The following CUEDC1 variants were observed in gnomAD, a reference collection of about 807,000 sequenced individuals.
CUEDC1 encodes the protein CUE domain containing 1.
In CUEDC1, 30 loss-of-function variants were observed where a neutral mutation model predicts 43.7. The ratio of observed to expected loss-of-function variants is 0.69; its 90% CI spans 0.51 to 0.93. CUEDC1 has a LOEUF of 0.93. Among genes scored for constraint, CUEDC1 ranks in the 40% least tolerant of loss-of-function variants. The probability of loss-of-function intolerance (pLI) is 0.00; values close to 1 mark genes in which losing one functional copy is unlikely to be tolerated. For missense variants in CUEDC1, 486 were observed against 549.0 expected (o/e 0.89, Z 1.15); for synonymous variants, 223 against 223.6 (o/e 1.00, Z 0.02).
intron 1 of CUEDC1, among the ~76,000 whole-genome samples, chr17:57,905,369 G>A (rs956363962): frequency 1.3e-5 from 2 of 152,120 alleles, no homozygotes; most frequent in Admixed American, 1.3e-4. Context: ...CTGGCTGCGC[G>A]CTGCCTGCGT....
In CUEDC1 at chr17:57,866,487, T is replaced by C; in HGVS notation, c.1151A>G (p.Glu384Gly). ...EAPKVEEGLR[E>G]GQ Reference sequence around the variant, plus strand: ...TCCAGGCCTTACCTCTTACTGTCCTTCTCGCAGGCCTTCCTCCACCTTGGG... The same window carrying C: ...TCCAGGCCTTACCTCTTACTGTCCTCCTCGCAGGCCTTCCTCCACCTTGGG... Residue 384 changes from glutamate (E) to glycine (G), a missense_variant, in exon 10 of 11, where the codon GAA becomes GGA. Physicochemically the swap from Glu to Gly is moderately conservative, Grantham distance 98. Transcript: ENST00000577830. 2 of 1,614,048 alleles carry C rather than the reference T, an allele frequency of 1.2e-6. No homozygotes were observed. The highest frequency in any genetic ancestry group is 1.7e-6 in the Non-Finnish European group (2 of 1,179,990).
At chr17:57,863,748 C>T (rs2073914653) in intron 10 of CUEDC1, among the ~76,000 whole-genome samples, 1 of 152,142 alleles carries the variant, frequency 6.6e-6, no homozygotes, top group Admixed American at 6.5e-5. Flanking sequence ...GTGGCTCACG[C>T]CTGTAATCTC....
rs1488153924 is a variant in CUEDC1 at position 57,885,699 on chromosome 17, C to A, written c.-135G>T. On this transcript the variant is annotated 5_prime_UTR_variant, in exon 2 of 11. Coordinates refer to ENST00000577830, the MANE Select transcript of CUEDC1 (RefSeq NM_001271875.2). The stretch of plus-strand genomic sequence containing the variant: ...CTGCGCCTCCTCCTCCCCGGGTAGC[C>A]AGGCAGCAATGGGCTGCCAAGAGCT... The A allele has an allele frequency of 2.2e-5, 28 of 1,288,512 alleles. No individual in the cohort carries two copies. In the Middle Eastern group the frequency reaches 8.7e-4, roughly 40 times the overall value. 79.8% of individuals were successfully genotyped at this position (1,288,512 alleles called of 1,614,324 possible).
intron 6 of CUEDC1, among the ~76,000 whole-genome samples, chr17:57,870,894 G>T (rs533168040): frequency 6.6e-6 from 1 of 152,276 alleles, no homozygotes; most frequent in East Asian, 1.9e-4. Flanking sequence ...TGTTGCCCAG[G>T]CTGGTCTTGA....
At position 57,879,636 on chromosome 17, in the gene CUEDC1, G is replaced by A; in HGVS notation, c.439C>T (p.Leu147=). The change falls in exon 3 of 11, where the codon CTG becomes TTG. Residue 147 remains leucine, a synonymous_variant. Coordinates refer to ENST00000577830, the MANE Select transcript of CUEDC1 (RefSeq NM_001271875.2). ...CGGGGAGGCGGAGTCGGGGGAGCCA[G>A]AGGGTAGGGCCGGTCGAACACGTGC... ...HMHVFDRPYP[L]APPTPPPRID... 1 of 1,596,256 alleles carries A rather than the reference G, an allele frequency of 6.3e-7. No homozygotes were observed. The highest frequency in any genetic ancestry group is 2.3e-5 in the East Asian group (1 of 43,374).
At position 57,871,056 on chromosome 17, in the gene CUEDC1, G is replaced by A. The variant is rs535801721; in HGVS notation, c.868+230C>T. The stretch of plus-strand genomic sequence containing the variant: ...CAGCCTATGTTACTTGAACACAACT[G>A]TGGGCTCTGAAGCCCAGCAGTGGCT... On this transcript the variant is annotated intron_variant, in intron 6 of 10. Transcript: ENST00000577830. 3.9e-5 allele frequency among the ~76,000 whole-genome samples: 6 copies of A among 152,340 alleles called. No homozygotes were observed. In the East Asian group the frequency reaches 1.2e-3, roughly 29 times the overall value.
rs2074139419 is a variant in CUEDC1, at chr17:57,877,300, AG to A, written c.464+2310del. On this transcript the variant is annotated intron_variant, in intron 3 of 10. Transcript: ENST00000577830. ...GGCTGAACACCCAGCCAGAGTAGGG[AG>A]GGAGGATGTGGCATGGATATCCATA... Among the ~76,000 whole-genome samples, 3 of 152,112 alleles carry A rather than the reference AG, an allele frequency of 2.0e-5. No individual in the cohort carries two copies. In the South Asian group the frequency reaches 6.2e-4, roughly 31 times the overall value.
At position 57,867,046 on chromosome 17, in the gene CUEDC1, C is replaced by A. The variant is rs1597966174; in HGVS notation, c.1093+311G>T. The A allele has an allele frequency of 6.4e-6, 3 of 470,932 alleles. No homozygotes were observed. The East Asian group carries it at 1.1e-4, about 17-fold the overall frequency. 29.2% of individuals were successfully genotyped at this position (470,932 alleles called of 1,614,324 possible). A position where few individuals can be genotyped will look rare whatever the true frequency, so the allele number is the denominator to read the frequency against. On this transcript the variant is annotated intron_variant, in intron 9 of 10. Transcript: ENST00000577830. ...GTGCTTGGTTCTCAGGCCGAGGGTC[C>A]CCCATGGGGGCAGGCCTGTCTGCCA...
chr17:57,916,231 A>C (rs2074638924), intron 1 of CUEDC1, among the ~76,000 whole-genome samples: 1 of 152,258 alleles, frequency 6.6e-6, no homozygotes, highest in South Asian at 2.1e-4. Flanking sequence ...AGGGGGGCTG[A>C]GAGTGTTTCT....
At chr17:57,911,917 C>T (rs948217954) in intron 1 of CUEDC1, among the ~76,000 whole-genome samples, 1 of 152,218 alleles carries the variant, frequency 6.6e-6, no homozygotes, top group African/African-American at 2.4e-5. Flanking sequence ...TTCTCAGGCA[C>T]CCCAGTGACA....
At chr17:57,864,132 G>A (rs1331786799) in intron 10 of CUEDC1, among the ~76,000 whole-genome samples, 2 of 152,124 alleles carry the variant, frequency 1.3e-5, no homozygotes, top group Non-Finnish European at 2.9e-5. Flanking sequence ...GAAGAGAACA[G>A]GGCTGTGACC....
chr17:57,931,416 GC>G (rs1287977446), intron 1 of CUEDC1, among the ~76,000 whole-genome samples: 12 of 152,204 alleles, frequency 7.9e-5, no homozygotes, highest in African/African-American at 2.9e-4. Flanking sequence ...ACTGCCACAT[GC>G]CGGGCACTGT....
chr17:57,896,793 TG>T (rs1246742044), intron 1 of CUEDC1, among the ~76,000 whole-genome samples: 1 of 138,372 alleles, frequency 7.2e-6, no homozygotes, highest in Non-Finnish European at 1.5e-5. Flanking sequence ...TTTTTTGAGA[TG>T]GAGTCTCTCT....
chr17:57,921,532 C>T (rs574597965), intron 1 of CUEDC1, among the ~76,000 whole-genome samples: 9 of 152,296 alleles, frequency 5.9e-5, no homozygotes, highest in African/African-American at 1.7e-4. Context: ...TAGGCTTGGA[C>T]GTGGTTCAAA....
At chr17:57,915,758 G>C (rs554407702) in intron 1 of CUEDC1, among the ~76,000 whole-genome samples, 1 of 152,136 alleles carries the variant, frequency 6.6e-6, no homozygotes, top group African/African-American at 2.4e-5. Flanking sequence ...CTTGAGCTCC[G>C]GCCTGGAACA....
At chr17:57,951,627 T>C (rs375183130) in intron 1 of CUEDC1, among the ~76,000 whole-genome samples, 1 of 151,992 alleles carries the variant, frequency 6.6e-6, no homozygotes, top group Middle Eastern at 3.4e-3. Flanking sequence ...CCCGGCTAAT[T>C]TTTTGTATTT....
chr17:57,893,349 A>ATGTGTGTGTGTGTGTGTGTGTGTGTGTG (rs147335365), intron 1 of CUEDC1, among the ~76,000 whole-genome samples: 2,474 of 148,214 alleles, frequency 0.017, 47 homozygotes, highest in Non-Finnish European at 0.026. Context: ...CTCTCAGGGT[A>ATGTGTGTGTGTGTGTGTGTGTGTGTGTG]TGTGTGTGTG....
At chr17:57,947,327 C>T (rs1416076008) in intron 1 of CUEDC1, among the ~76,000 whole-genome samples, 3 of 152,190 alleles carry the variant, frequency 2.0e-5, no homozygotes, top group South Asian at 4.1e-4. Context: ...GTTCACCACC[C>T]GGTATTATTT....
chr17:57,891,807 G>C (rs1422191257), intron 1 of CUEDC1, among the ~76,000 whole-genome samples: 1 of 152,128 alleles, frequency 6.6e-6, no homozygotes. Flanking sequence ...ACCTTGAGGG[G>C]GAACAGAGTG....
Sources: allele counts gnomAD v4.1 joint callset (sites outside exome capture counted in the v4.1 genomes callset), GRCh38; gene constraint gnomAD v4.1.1; transcripts MANE v1.5; gene names NCBI Gene and HGNC (gene_info 2026-07-23, HGNC 2026-07-21).